The following NLK variants were observed in gnomAD, a reference collection of about 807,000 sequenced individuals.
The protein encoded by NLK is nemo like kinase, also known as serine/threonine-protein kinase NLK.
In NLK, 11 loss-of-function variants were observed where a neutral mutation model predicts 59.0. The observed-to-expected ratio is 0.19, with a 90% confidence interval of 0.12 to 0.31. The LOEUF (loss-of-function observed/expected upper bound fraction) is 0.31. NLK is among the 10% of genes least tolerant of loss of function. The pLI, the probability that NLK is intolerant of heterozygous loss-of-function variation, is 1.00. For missense variants in NLK, 410 were observed against 661.1 expected (o/e 0.62, Z 4.16); for synonymous variants, 235 against 235.9 (o/e 1.00, Z 0.03).
At chr17:28,176,246 A>G (rs182120213) in intron 7 of NLK, among the ~76,000 whole-genome samples, 1 of 152,352 alleles carries the variant, frequency 6.6e-6, no homozygotes, top group Non-Finnish European at 1.5e-5. Flanking sequence ...ATTACTTAAT[A>G]TAGGAATATT....
At chr17:28,198,256 C>T (rs971789391), downstream of NLK, among the ~76,000 whole-genome samples, 6 of 152,164 alleles carry the variant, frequency 3.9e-5, no homozygotes, top group Admixed American at 2.6e-4. Context: ...CCCACCTCAG[C>T]CTCCCAAAAT....
chr17:28,100,456 C>T (rs1039932774), intron 1 of NLK, among the ~76,000 whole-genome samples: 2 of 152,156 alleles, frequency 1.3e-5, no homozygotes, highest in Non-Finnish European at 2.9e-5. Context: ...TCAGCCATAC[C>T]AGTGGCTGTG....
chr17:28,168,351 A>AT, intron 5 of NLK, 97 bp from the exon 6 acceptor site: 20 of 835,988 alleles, frequency 2.4e-5, no homozygotes, highest in Non-Finnish European at 3.7e-5. Context: ...AAAAAAAAAA[A>AT]GTTTCAAAGT....
At chr17:28,186,244 T>G (rs1909111723) in intron 8 of NLK, among the ~76,000 whole-genome samples, 1 of 152,188 alleles carries the variant, frequency 6.6e-6, no homozygotes, top group Non-Finnish European at 1.5e-5. Context: ...AGATATCAAA[T>G]TCACAAAGCT....
intron 3 of NLK, among the ~76,000 whole-genome samples, chr17:28,140,327 A>T (rs1381603391): frequency 6.6e-6 from 1 of 152,202 alleles, no homozygotes; most frequent in Non-Finnish European, 1.5e-5. Context: ...TTTGATAATG[A>T]AAAGGTTCTG....
chr17:28,110,217 T>TTA (rs559599122), intron 1 of NLK, among the ~76,000 whole-genome samples: 1,773 of 151,786 alleles, frequency 0.012, 28 homozygotes, highest in African/African-American at 0.024. Flanking sequence ...TATTTATTGC[T>TTA]TATATATATA....
chr17:28,184,831 C>T (rs1400784911), intron 7 of NLK, among the ~76,000 whole-genome samples: 1 of 152,208 alleles, frequency 6.6e-6, no homozygotes, highest in African/African-American at 2.4e-5. Flanking sequence ...CCTGTAATCC[C>T]AGCTACTCGG....
intron 1 of NLK, among the ~76,000 whole-genome samples, chr17:28,090,066 A>C (rs1904432987): frequency 6.6e-6 from 1 of 152,192 alleles, no homozygotes; most frequent in Non-Finnish European, 1.5e-5. Flanking sequence ...TCAGAATTTT[A>C]AATGAATCAT....
intron 1 of NLK, among the ~76,000 whole-genome samples, chr17:28,077,073 CTTTTTTTTTTTTTT>C (rs35639099): frequency 7.1e-5 from 3 of 42,488 alleles, no homozygotes; most frequent in African/African-American, 9.3e-5. Context: ...CTCTTTCTTT[CTTTTTTTTTTTTTT>C]TTTTTTTTTT....
chr17:28,122,693 C>T lies in NLK; in HGVS notation c.549C>T (p.Phe183=), dbSNP rs1466651169. Residue 183 remains phenylalanine, a synonymous_variant, in exon 2 of 11, where the codon TTC becomes TTT. Coordinates refer to ENST00000407008, the MANE Select transcript of NLK (RefSeq NM_016231.5). ...FQNLVSCKRV[F]RELKMLCFFK... ...ATCTGGTCTCTTGCAAAAGGGTCTT[C>T]CGGGAATTGAAGATGTTGTGTTTTT... The T allele has an allele frequency of 1.9e-6, 3 of 1,613,574 alleles. No homozygotes were observed. Among genetic ancestry groups the T allele is most frequent in the Non-Finnish European group, 2.5e-6 (3 of 1,179,804 alleles).
intron 1 of NLK, among the ~76,000 whole-genome samples, chr17:28,044,568 C>A (rs1455405238): frequency 6.6e-6 from 1 of 152,176 alleles, no homozygotes; most frequent in Non-Finnish European, 1.5e-5. Context: ...GTGGTCCTTT[C>A]TTCAAGGTGT....
At chr17:28,145,440 A>G (rs932364778) in intron 3 of NLK, among the ~76,000 whole-genome samples, 3 of 152,196 alleles carry the variant, frequency 2.0e-5, no homozygotes, top group East Asian at 1.9e-4. Flanking sequence ...CACAGAAACT[A>G]GTACTTTTAA....
the NLK span, among the ~76,000 whole-genome samples, chr17:28,201,782 G>A: frequency 3.3e-5 from 5 of 152,076 alleles, no homozygotes; most frequent in African/African-American, 4.8e-5. Context: ...TTGGGAGGCC[G>A]AGGCGGGCAG....
chr17:28,158,041 T>G (rs1036391032), intron 3 of NLK, among the ~76,000 whole-genome samples: 1 of 152,124 alleles, frequency 6.6e-6, no homozygotes, highest in Admixed American at 6.6e-5. Context: ...ATAAGGAAAT[T>G]ACAGGATAAT....
chr17:28,178,689 A>T (rs977169176), intron 7 of NLK, among the ~76,000 whole-genome samples: 1 of 152,212 alleles, frequency 6.6e-6, no homozygotes, highest in South Asian at 2.1e-4. Context: ...GACAGGAACC[A>T]TATCTTATAT....
downstream of NLK, among the ~76,000 whole-genome samples, chr17:28,197,749 G>T (rs1909520038): frequency 6.6e-6 from 1 of 151,822 alleles, no homozygotes; most frequent in African/African-American, 2.4e-5. Context: ...TCTCTCTATG[G>T]TATGTTATTT....
rs536202611 is a variant in NLK, at chr17:28,148,029, T to G, written c.645-13131T>G. Among the ~76,000 whole-genome samples, 4 of 152,292 alleles carry G rather than the reference T, an allele frequency of 2.6e-5. No individual in the cohort carries two copies. In the South Asian group the frequency reaches 8.3e-4, roughly 32 times the overall value. ...ACTTTTATGCAAATGAAAAGCAGAT[T>G]GTAACCAAATGCAAATAAATACCTC... On this transcript the variant is annotated intron_variant, in intron 3 of 10. Coordinates refer to ENST00000407008, the MANE Select transcript of NLK (RefSeq NM_016231.5).
chr17:28,096,095 T>C (rs1483497565), intron 1 of NLK, among the ~76,000 whole-genome samples: 29 of 152,198 alleles, frequency 1.9e-4, no homozygotes, highest in Admixed American at 1.8e-3. Flanking sequence ...ATTCAAGAAA[T>C]TGTCAGCACA....
intron 3 of NLK, among the ~76,000 whole-genome samples, chr17:28,142,981 G>A (rs1907072627): frequency 6.6e-6 from 1 of 151,048 alleles, no homozygotes; most frequent in African/African-American, 2.4e-5. Context: ...AATTTACTAT[G>A]TCTTTTGGAA....
Sources: allele counts gnomAD v4.1 joint callset (sites outside exome capture counted in the v4.1 genomes callset), GRCh38; gene constraint gnomAD v4.1.1; transcripts MANE v1.5; gene names NCBI Gene and HGNC (gene_info 2026-07-23, HGNC 2026-07-21).